The following LRMDA variants were observed in gnomAD, a reference collection of about 807,000 sequenced individuals.
LRMDA encodes the protein leucine rich melanocyte differentiation associated.
Under a neutral mutation model 29.8 loss-of-function variants are expected in LRMDA, and 18 were observed. That is an observed-to-expected ratio of 0.60 (90% CI 0.42 to 0.90). The LOEUF (loss-of-function observed/expected upper bound fraction) is 0.90, where lower values mean the gene tolerates loss of function less well. Ranked by LOEUF, LRMDA falls within the 40% of genes least tolerant of loss-of-function variation. The pLI is 0.00. For synonymous variants in LRMDA, 125 were observed against 109.4 expected (o/e 1.14, Z -0.89); for missense variants, 273 against 273.9 (o/e 1.00, Z 0.02).
rs1202484406 is a variant in LRMDA, at chr10:75,890,100, CTG to C, written c.132-145906_132-145905del. 5.3e-5 allele frequency among the ~76,000 whole-genome samples: 8 copies of C among 152,308 alleles called. No individual in the cohort carries two copies. The East Asian group carries it at 1.5e-3, about 29-fold the overall frequency. On this transcript the variant is annotated intron_variant, in intron 2 of 6. Transcript: ENST00000611255. Reference sequence around the variant, plus strand: ...GGACTGGCGACCTCAGTAGTCCTCACTGTAAGCAAACGCAAAGCTCACATCTT... The same window carrying C: ...GGACTGGCGACCTCAGTAGTCCTCACTAAGCAAACGCAAAGCTCACATCTT...
intron 6 of LRMDA, among the ~76,000 whole-genome samples, chr10:76,492,684 A>C (rs938722428): frequency 1.3e-5 from 2 of 152,060 alleles, no homozygotes; most frequent in African/African-American, 4.8e-5. Flanking sequence ...TAATTGACTC[A>C]CAGTTCTGCA....
At chr10:76,538,160 T>C (rs1298477082) in intron 6 of LRMDA, among the ~76,000 whole-genome samples, 1 of 152,090 alleles carries the variant, frequency 6.6e-6, no homozygotes, top group Non-Finnish European at 1.5e-5. Flanking sequence ...TTTTCCATCC[T>C]TTCCAATTTA....
chr10:75,911,218 T>TATC (rs1845837980), intron 2 of LRMDA, among the ~76,000 whole-genome samples: 1 of 151,852 alleles, frequency 6.6e-6, no homozygotes. Context: ...CATGGGCTTA[T>TATC]ATTATTATTA....
chr10:75,649,224 G>C (rs1053243830), intron 2 of LRMDA, among the ~76,000 whole-genome samples: 3 of 152,150 alleles, frequency 2.0e-5, no homozygotes, highest in Non-Finnish European at 2.9e-5. Context: ...TTATCCTTTT[G>C]TGTCTGGCTT....
intron 2 of LRMDA, among the ~76,000 whole-genome samples, chr10:76,034,664 G>C (rs1423155345): frequency 6.6e-6 from 1 of 152,252 alleles, no homozygotes; most frequent in African/African-American, 2.4e-5. Context: ...CCTTGGGAAA[G>C]ATCTGGTGCT....
chr10:76,451,694 G>A lies in LRMDA; in HGVS notation c.602-105515G>A, dbSNP rs182547702. On this transcript the variant is annotated intron_variant, in intron 6 of 6. Transcript: ENST00000611255. ...GGGTGGTGGACAGAGTTTCAATCTT[G>A]TTGCCCTGGCTGGAGTGCAATGGTG... 3.0e-4 allele frequency among the ~76,000 whole-genome samples: 32 copies of A among 108,204 alleles called. No homozygotes were observed. The East Asian group carries it at 7.3e-3, about 25-fold the overall frequency. The allele number at this position is 108,204 out of a possible 152,430, so 71.0% of individuals were successfully genotyped here.
chr10:75,874,808 G>A (rs1297922082), intron 2 of LRMDA, among the ~76,000 whole-genome samples: 1 of 152,136 alleles, frequency 6.6e-6, no homozygotes, highest in Non-Finnish European at 1.5e-5. Flanking sequence ...TAATGACAGA[G>A]GATAAGTCAC....
At chr10:75,597,891 C>T (rs1038624444) in intron 2 of LRMDA, among the ~76,000 whole-genome samples, 1 of 152,062 alleles carries the variant, frequency 6.6e-6, no homozygotes, top group Non-Finnish European at 1.5e-5. Context: ...AATCAGTTGT[C>T]ATTCAGTGGG....
rs181723069 is a variant in LRMDA at position 75,936,853 on chromosome 10, A to G, written c.132-99155A>G. On this transcript the variant is annotated intron_variant, in intron 2 of 6. Coordinates refer to ENST00000611255, the MANE Select transcript of LRMDA (RefSeq NM_001305581.2). ...CATCACCTTGTGGGTTAGGCTTTCA[A>G]TATATGGCTTTTGGGACACAAACAT... Among the ~76,000 whole-genome samples the G allele has an allele frequency of 5.9e-5, 9 of 152,286 alleles. No homozygotes were observed. The East Asian group carries it at 1.7e-3, about 29-fold the overall frequency.
chr10:76,047,255 A>G lies in LRMDA; in HGVS notation c.350A>G (p.Asn117Ser), dbSNP rs914328271. Reference sequence around the variant, plus strand: ...CTGCTGGGCAACGTGGCCTGTCCCAACGAGCTGGTCAGCTTGGAAAAGGAT... The same window carrying G: ...CTGCTGGGCAACGTGGCCTGTCCCAGCGAGCTGGTCAGCTTGGAAAAGGAT... ...LSLLGNVACPNELVSLEKDEE... is the reference protein window; with the variant it reads ...LSLLGNVACPSELVSLEKDEE... The change falls in exon 4 of 7, where the codon AAC becomes AGC. Residue 117 changes from asparagine to serine, a missense_variant. Asn to Ser is a conservative substitution (Grantham distance 46, BLOSUM62 1). Transcript: ENST00000611255. 2.5e-6 allele frequency: 4 copies of G among 1,613,926 alleles called. No homozygotes were observed. Among genetic ancestry groups the G allele is most frequent in the African/African-American group, 1.3e-5 (1 of 74,910 alleles).
chr10:76,437,958 G>A (rs979946086), intron 6 of LRMDA, among the ~76,000 whole-genome samples: 2 of 152,194 alleles, frequency 1.3e-5, no homozygotes, highest in African/African-American at 4.8e-5. Context: ...GAAGAGCAGG[G>A]AAGCTAGTGA....
At chr10:76,077,870 T>C (rs1848983905) in intron 5 of LRMDA, among the ~76,000 whole-genome samples, 1 of 151,988 alleles carries the variant, frequency 6.6e-6, no homozygotes, top group Admixed American at 6.5e-5. Flanking sequence ...AGCCCACCAT[T>C]AGTATTCTCA....
intron 2 of LRMDA, among the ~76,000 whole-genome samples, chr10:76,011,035 TG>T (rs1447588499): frequency 6.6e-6 from 1 of 152,254 alleles, no homozygotes; most frequent in Non-Finnish European, 1.5e-5. Context: ...TTGTTTGTAC[TG>T]GTCTAACTTA....
intron 6 of LRMDA, among the ~76,000 whole-genome samples, chr10:76,449,831 A>C (rs1462113955): frequency 6.6e-6 from 1 of 151,868 alleles, no homozygotes; most frequent in Non-Finnish European, 1.5e-5. Flanking sequence ...CTGACTTTCT[A>C]CTTCTCTGTA....
chr10:75,503,725 G>T (rs558319525), intron 2 of LRMDA, among the ~76,000 whole-genome samples: 4 of 151,900 alleles, frequency 2.6e-5, no homozygotes, highest in African/African-American at 9.7e-5. Context: ...GATTTTTTTT[G>T]ATATTACAGT....
At chr10:76,123,094 C>T (rs181666352) in intron 5 of LRMDA, among the ~76,000 whole-genome samples, 1 of 152,276 alleles carries the variant, frequency 6.6e-6, no homozygotes, top group Admixed American at 6.5e-5. Context: ...TCCATGCTAT[C>T]CTCTGGTGGA....
chr10:75,732,101 T>C (rs1842706221), intron 2 of LRMDA, among the ~76,000 whole-genome samples: 1 of 151,164 alleles, frequency 6.6e-6, no homozygotes. Context: ...AATATGAATT[T>C]GTGAGTTTTT....
At chr10:75,739,793 G>C (rs976841383) in intron 2 of LRMDA, among the ~76,000 whole-genome samples, 11 of 152,148 alleles carry the variant, frequency 7.2e-5, no homozygotes, top group African/African-American at 2.7e-4. Context: ...TCAGATGTTA[G>C]TGTCTGTCGG....
intron 5 of LRMDA, among the ~76,000 whole-genome samples, chr10:76,168,060 C>A (rs1554852602): frequency 6.6e-6 from 1 of 152,044 alleles, no homozygotes; most frequent in Non-Finnish European, 1.5e-5. Flanking sequence ...AAGAGGCCTA[C>A]TTGGGACCAA....
Sources: allele counts gnomAD v4.1 joint callset (sites outside exome capture counted in the v4.1 genomes callset), GRCh38; gene constraint gnomAD v4.1.1; transcripts MANE v1.5; gene names NCBI Gene and HGNC (gene_info 2026-07-23, HGNC 2026-07-21).